The following SUGCT variants were observed in gnomAD, a reference collection of about 807,000 sequenced individuals.
The protein encoded by SUGCT is succinyl-CoA:glutarate CoA-transferase.
Under a neutral mutation model 55.0 loss-of-function variants are expected in SUGCT, and 41 were observed. That is an observed-to-expected ratio of 0.74 (90% CI 0.58 to 0.97). The LOEUF (loss-of-function observed/expected upper bound fraction) is 0.97, where lower values mean the gene tolerates loss of function less well. SUGCT is among the 50% of genes least tolerant of loss of function. The pLI, the probability that SUGCT is intolerant of heterozygous loss-of-function variation, is 0.00. For synonymous variants in SUGCT, 187 were observed against 200.4 expected (o/e 0.93, Z 0.56); for missense variants, 568 against 547.8 (o/e 1.04, Z -0.37).
At chr7:40,192,033 G>A (rs1326240159) in intron 5 of SUGCT, among the ~76,000 whole-genome samples, 5 of 143,642 alleles carry the variant, frequency 3.5e-5, no homozygotes, top group South Asian at 2.2e-4. Flanking sequence ...GCTTGAACCC[G>A]ACAGGCGGAG....
At chr7:40,745,808 A>G (rs1436547387) in intron 12 of SUGCT, among the ~76,000 whole-genome samples, 5 of 152,260 alleles carry the variant, frequency 3.3e-5, no homozygotes, top group African/African-American at 1.2e-4. Context: ...AAATAACTCA[A>G]TATGCAACAA....
At chr7:40,549,041 T>C (rs1416227254) in intron 12 of SUGCT, among the ~76,000 whole-genome samples, 1 of 152,202 alleles carries the variant, frequency 6.6e-6, no homozygotes, top group Non-Finnish European at 1.5e-5. Flanking sequence ...GGCATACTCT[T>C]TGCCCAACAG....
chr7:40,566,582 A>C (rs1027371098), intron 12 of SUGCT, among the ~76,000 whole-genome samples: 2 of 152,248 alleles, frequency 1.3e-5, no homozygotes, highest in Non-Finnish European at 2.9e-5. Context: ...TGTCTGCTAC[A>C]AACCAGAACC....
chr7:40,472,465 A>G (rs2151472783), intron 11 of SUGCT, among the ~76,000 whole-genome samples: 1 of 152,298 alleles, frequency 6.6e-6, no homozygotes, highest in Non-Finnish European at 1.5e-5. Flanking sequence ...CCAAAGAAGG[A>G]AGTAAAGCTA....
chr7:40,638,673 C>G (rs973346048), intron 12 of SUGCT, among the ~76,000 whole-genome samples: 1 of 151,990 alleles, frequency 6.6e-6, no homozygotes, highest in Non-Finnish European at 1.5e-5. Context: ...GTGCAAAGTG[C>G]TATAGGGGCC....
At chr7:40,405,142 G>C (rs1786287949) in intron 9 of SUGCT, among the ~76,000 whole-genome samples, 1 of 152,180 alleles carries the variant, frequency 6.6e-6, no homozygotes, top group Non-Finnish European at 1.5e-5. Flanking sequence ...CAGCAGAAGT[G>C]TTTAAATAGC....
the SUGCT span, among the ~76,000 whole-genome samples, chr7:41,019,844 A>T: frequency 1.3e-5 from 2 of 152,248 alleles, no homozygotes; most frequent in Admixed American, 1.3e-4. Flanking sequence ...ACAAATTTTT[A>T]AAAAAGTCTT....
chr7:40,628,115 A>G (rs370968006), intron 12 of SUGCT, among the ~76,000 whole-genome samples: 14 of 152,298 alleles, frequency 9.2e-5, no homozygotes, highest in Non-Finnish European at 1.8e-4. Context: ...GGAAAATATG[A>G]TATGCAATAA....
chr7:40,398,306 G>C (rs1172503197), intron 9 of SUGCT, among the ~76,000 whole-genome samples: 2 of 152,130 alleles, frequency 1.3e-5, no homozygotes, highest in Non-Finnish European at 2.9e-5. Context: ...TGGCCGGGCT[G>C]GTCTTGAACT....
At chr7:40,602,583 TCAGTTTGC>T (rs1798347093) in intron 12 of SUGCT, among the ~76,000 whole-genome samples, 1 of 152,182 alleles carries the variant, frequency 6.6e-6, no homozygotes, top group Non-Finnish European at 1.5e-5. Context: ...ACTCAGTTTG[TCAGTTTGC>T]CAACATCCTG....
At chr7:40,455,166 G>A (rs1266770604) in intron 10 of SUGCT, among the ~76,000 whole-genome samples, 1 of 152,098 alleles carries the variant, frequency 6.6e-6, no homozygotes, top group Non-Finnish European at 1.5e-5. Flanking sequence ...TAACTACAAT[G>A]CGAAAAGTAT....
At chr7:40,567,738 G>T (rs777834344) in intron 12 of SUGCT, among the ~76,000 whole-genome samples, 6 of 152,140 alleles carry the variant, frequency 3.9e-5, no homozygotes, top group Admixed American at 6.5e-5. Flanking sequence ...TTCTTACTTT[G>T]TGTGGGAGCA....
chr7:40,238,552 T>C (rs886666054), intron 7 of SUGCT, among the ~76,000 whole-genome samples: 1 of 152,174 alleles, frequency 6.6e-6, no homozygotes, highest in Non-Finnish European at 1.5e-5. Flanking sequence ...TCACTTCTTC[T>C]AGTTAATTCT....
chr7:40,962,912 T>G, the SUGCT span, among the ~76,000 whole-genome samples: 1 of 152,170 alleles, frequency 6.6e-6, no homozygotes, highest in East Asian at 1.9e-4. Flanking sequence ...TTAGGCAGGT[T>G]TCCAGGAAGA....
chr7:40,149,880 T>C (rs1788460634), intron 1 of SUGCT, among the ~76,000 whole-genome samples: 2 of 151,996 alleles, frequency 1.3e-5, no homozygotes, highest in African/African-American at 4.8e-5. Context: ...GATCGCGCCA[T>C]CGCACTCCAG....
At position 40,748,447 on chromosome 7, in the gene SUGCT, G is replaced by A. The variant is rs1363329700; in HGVS notation, c.1090-987G>A. ...ACTAATTTAGATGTTTATTATTTAG[G>A]TTTTGTTTTAAAGAGTTTTGTATTG... On this transcript the variant is annotated intron_variant, in intron 12 of 13. Coordinates refer to ENST00000335693, the MANE Select transcript of SUGCT (RefSeq NM_001193313.2). Among the ~76,000 whole-genome samples, 6 of 151,494 alleles carry A rather than the reference G, an allele frequency of 4.0e-5. No individual in the cohort carries two copies. In the East Asian group the frequency reaches 1.2e-3, roughly 29 times the overall value.
chr7:40,235,649 T>C (rs1032946776), intron 6 of SUGCT, among the ~76,000 whole-genome samples: 1 of 152,180 alleles, frequency 6.6e-6, no homozygotes, highest in Non-Finnish European at 1.5e-5. Context: ...TTATATAAAA[T>C]ATTTTTGCAC....
intron 8 of SUGCT, among the ~76,000 whole-genome samples, chr7:40,297,351 G>A (rs1048612831): frequency 2.0e-5 from 3 of 151,950 alleles, no homozygotes; most frequent in South Asian, 2.1e-4. Flanking sequence ...ATTTCAATTA[G>A]GGTAATGTAC....
At chr7:40,311,102 T>G (rs1340428750) in intron 8 of SUGCT, among the ~76,000 whole-genome samples, 1 of 152,204 alleles carries the variant, frequency 6.6e-6, no homozygotes, top group Non-Finnish European at 1.5e-5. Flanking sequence ...CTGTCATAGT[T>G]TACCCAGATA....
Sources: allele counts gnomAD v4.1 joint callset (sites outside exome capture counted in the v4.1 genomes callset), GRCh38; gene constraint gnomAD v4.1.1; transcripts MANE v1.5; gene names NCBI Gene and HGNC (gene_info 2026-07-23, HGNC 2026-07-21).